RHOH: variants seen among roughly 807,000 people sequenced by gnomAD.
The protein encoded by RHOH is rho-related GTP-binding protein RhoH.
Under a neutral mutation model 13.8 loss-of-function variants are expected in RHOH, and 6 were observed. The ratio of observed to expected loss-of-function variants is 0.44; its 90% CI spans 0.24 to 0.86. The LOEUF is 0.86. Ranked by LOEUF, RHOH falls within the 40% of genes least tolerant of loss-of-function variation. RHOH has a pLI of 0.24. For missense variants in RHOH, 147 were observed against 244.5 expected (o/e 0.60, Z 2.66); for synonymous variants, 117 against 103.0 (o/e 1.14, Z -0.82).
intron 1 of RHOH, among the ~76,000 whole-genome samples, chr4:40,207,463 T>C (rs1320271335): frequency 6.6e-6 from 1 of 152,202 alleles, no homozygotes; most frequent in Non-Finnish European, 1.5e-5. Flanking sequence ...TCTAGAGCTA[T>C]GAAAACACAT....
At chr4:40,223,302 C>A (rs750218420) in intron 1 of RHOH, among the ~76,000 whole-genome samples, 11 of 152,104 alleles carry the variant, frequency 7.2e-5, no homozygotes, top group Admixed American at 3.3e-4. Flanking sequence ...AGAAATCTTT[C>A]ATGAAAGGAA....
intron 1 of RHOH, among the ~76,000 whole-genome samples, chr4:40,227,610 G>A (rs906479908): frequency 6.6e-6 from 1 of 152,126 alleles, no homozygotes; most frequent in Non-Finnish European, 1.5e-5. Flanking sequence ...TCAGTGAAGG[G>A]GGAGTACCAG....
At chr4:40,204,215 G>A (rs1255717300) in intron 1 of RHOH, among the ~76,000 whole-genome samples, 3 of 152,168 alleles carry the variant, frequency 2.0e-5, no homozygotes, top group African/African-American at 7.2e-5. Context: ...TTCTTAAAGT[G>A]GAGATGATTC....
At chr4:40,203,772 T>G (rs1351979098) in intron 1 of RHOH, among the ~76,000 whole-genome samples, 2 of 152,158 alleles carry the variant, frequency 1.3e-5, no homozygotes, top group Non-Finnish European at 2.9e-5. Context: ...TAAACAATTT[T>G]GTCCAGCACT....
chr4:40,229,088 T>G (rs1274522177), intron 1 of RHOH, among the ~76,000 whole-genome samples: 2 of 152,136 alleles, frequency 1.3e-5, no homozygotes, highest in African/African-American at 4.8e-5. Context: ...CTTACTGAGT[T>G]GCAGGTAGAG....
At chr4:40,197,433 C>T (rs2245471) in intron 1 of RHOH, 133 bp downstream of exon 1, 116,037 of 151,548 alleles carry the variant, frequency 0.77, 45,051 homozygotes, top group African/African-American at 0.9. Flanking sequence ...AATCAATTTA[C>T]AGGGGGACGG....
At chr4:40,239,992 G>A (rs1386185690) in intron 1 of RHOH, 2 of 152,216 alleles carry the variant, frequency 1.3e-5, no homozygotes, top group Non-Finnish European at 2.9e-5. Flanking sequence ...AGGAAACTGA[G>A]GCTTAAGGAG....
At chr4:40,220,339 C>T (rs1307615743) in intron 1 of RHOH, among the ~76,000 whole-genome samples, 1 of 150,816 alleles carries the variant, frequency 6.6e-6, no homozygotes, top group Admixed American at 6.7e-5. Context: ...TGGCATTTTG[C>T]ATTTACCTTT....
At chr4:40,219,352 C>T (rs1480473483) in intron 1 of RHOH, among the ~76,000 whole-genome samples, 1 of 145,246 alleles carries the variant, frequency 6.9e-6, no homozygotes, top group Non-Finnish European at 1.5e-5. Flanking sequence ...GCGGAGGTTG[C>T]AGTGAGCCGA....
chr4:40,218,453 A>G lies in RHOH; in HGVS notation c.-331+21153A>G, dbSNP rs1266995105. On this transcript the variant is annotated intron_variant, in intron 1 of 2. Transcript: ENST00000381799. This position sits in a 1 kb window ranked among gnomAD's most constrained non-coding sequence, Gnocchi z 4.1. ...CAGTCTTGGAAATCAGACACGTGCT[A>G]GGGCCCCCTGTGCTTAGCTCGGCTA... Among the ~76,000 whole-genome samples, 2 of 152,218 alleles carry G rather than the reference A, an allele frequency of 1.3e-5. No homozygotes were observed. Among genetic ancestry groups the G allele is most frequent in the Non-Finnish European group, 2.9e-5 (2 of 68,032 alleles).
upstream of RHOH, among the ~76,000 whole-genome samples, chr4:40,194,548 A>ATTTTATTTAATATT (rs1196749857): frequency 2.0e-5 from 3 of 151,358 alleles, no homozygotes; most frequent in Non-Finnish European, 4.4e-5. Context: ...TGTTATTATT[A>ATTTTATTTAATATT]GTATTATTTT....
chr4:40,235,945 G>A (rs149961108), intron 1 of RHOH, among the ~76,000 whole-genome samples: 6 of 149,988 alleles, frequency 4.0e-5, no homozygotes, highest in African/African-American at 1.5e-4. Flanking sequence ...TTGTGCCACT[G>A]CACTCCAGCC....
At chr4:40,209,881 A>G (rs1027908087) in intron 1 of RHOH, among the ~76,000 whole-genome samples, 1 of 152,264 alleles carries the variant, frequency 6.6e-6, no homozygotes, top group Admixed American at 6.5e-5. Flanking sequence ...AGGAAAATAA[A>G]GGAAAATTAC....
At chr4:40,234,011 A>T (rs957280323) in intron 1 of RHOH, among the ~76,000 whole-genome samples, 2 of 152,194 alleles carry the variant, frequency 1.3e-5, no homozygotes, top group African/African-American at 4.8e-5. Flanking sequence ...CTACAAAACC[A>T]GGTGGCGGGC....
At chr4:40,202,465 G>A (rs1457452315) in intron 1 of RHOH, among the ~76,000 whole-genome samples, 10 of 152,188 alleles carry the variant, frequency 6.6e-5, no homozygotes, top group Non-Finnish European at 8.8e-5. Context: ...TATTGTAGTC[G>A]TGGTGTGTGT....
At chr4:40,210,498 A>G (rs1226194437) in intron 1 of RHOH, among the ~76,000 whole-genome samples, 1 of 152,236 alleles carries the variant, frequency 6.6e-6, no homozygotes, top group Non-Finnish European at 1.5e-5. Context: ...CAGGAAACCA[A>G]GAATTTTCCC....
chr4:40,218,701 A>C lies in RHOH; in HGVS notation c.-331+21401A>C, dbSNP rs1726174344. Among the ~76,000 whole-genome samples, 1 of 152,154 alleles carries C rather than the reference A, an allele frequency of 6.6e-6. No individual in the cohort carries two copies. Among genetic ancestry groups the C allele is most frequent in the Non-Finnish European group, 1.5e-5 (1 of 68,036 alleles). ...AGCATGTGATATTGATGGTTCACAG[A>C]AACATGAACTACCAGCCTTGGAGGG... On this transcript the variant is annotated intron_variant, in intron 1 of 2. Coordinates refer to ENST00000381799, the MANE Select transcript of RHOH (RefSeq NM_004310.5). The surrounding 1 kb of genome is among the most constrained non-coding windows in gnomAD (Gnocchi z 4.1).
At chr4:40,227,244 T>C (rs912075296) in intron 1 of RHOH, among the ~76,000 whole-genome samples, 1 of 152,148 alleles carries the variant, frequency 6.6e-6, no homozygotes, top group Non-Finnish European at 1.5e-5. Flanking sequence ...ATAAAATCTT[T>C]CTGTGGGAAA....
At chr4:40,201,252 T>TC (rs1208876955) in intron 1 of RHOH, among the ~76,000 whole-genome samples, 68 of 151,552 alleles carry the variant, frequency 4.5e-4, no homozygotes, top group Non-Finnish European at 9.1e-4. Context: ...GTTCACTCTA[T>TC]CCCCCCCTTT....
Sources: allele counts gnomAD v4.1 joint callset (sites outside exome capture counted in the v4.1 genomes callset), GRCh38; gene constraint gnomAD v4.1.1; non-coding constraint Gnocchi (gnomAD v3.1); transcripts MANE v1.5; gene names NCBI Gene and HGNC (gene_info 2026-07-23, HGNC 2026-07-21).